The following REPS2 variants were observed in gnomAD, a reference collection of about 807,000 sequenced individuals.
REPS2 encodes ralBP1-associated Eps domain-containing protein 2.
Under a neutral mutation model 53.6 loss-of-function variants are expected in REPS2, and 23 were observed. The observed-to-expected ratio is 0.43, with a 90% confidence interval of 0.31 to 0.61. The LOEUF (loss-of-function observed/expected upper bound fraction) is 0.61, where lower values mean the gene tolerates loss of function less well. Among genes scored for constraint, REPS2 ranks in the 20% least tolerant of loss-of-function variants. The pLI, the probability that REPS2 is intolerant of heterozygous loss-of-function variation, is 0.11. For synonymous variants in REPS2, 238 were observed against 218.6 expected (o/e 1.09, Z -0.78); for missense variants, 446 against 534.9 (o/e 0.83, Z 1.64).
chrX:17,176,981 C>T, the REPS2 span, among the ~76,000 whole-genome samples: 20 of 112,371 alleles, frequency 1.8e-4, no homozygotes, highest in Non-Finnish European at 3.8e-4. Context: ...TCTTCCTTAG[C>T]TCTGCTGGCT....
In REPS2 at chrX:16,964,486, C is replaced by A. The variant is rs997614675; in HGVS notation, c.273+17352C>A. On this transcript the variant is annotated intron_variant, in intron 1 of 17. Transcript: ENST00000357277. ...CTCAATCTTTTCCCCACCTTTCCCC[C>A]CTTTCTATTCTACAAAACCGCCATT... 3.7e-5 allele frequency among the ~76,000 whole-genome samples: 4 copies of A among 109,319 alleles called. No homozygotes were observed. In the South Asian group the frequency reaches 1.2e-3, roughly 33 times the overall value. 94.9% of individuals were successfully genotyped at this position (109,319 alleles called of 115,157 possible).
intron 1 of REPS2, among the ~76,000 whole-genome samples, chrX:17,006,020 T>G (rs993349757): frequency 1.8e-5 from 2 of 112,028 alleles, no homozygotes. Flanking sequence ...ACATCATGAA[T>G]AGGTAGAATT....
intron 13 of REPS2, among the ~76,000 whole-genome samples, chrX:17,091,317 C>T (rs1193086950): frequency 8.9e-6 from 1 of 111,785 alleles, no homozygotes; most frequent in Non-Finnish European, 1.9e-5. Flanking sequence ...AGCCTTCTGT[C>T]ATGTTTATTC....
At chrX:16,957,554 G>A (rs1355576078) in intron 1 of REPS2, among the ~76,000 whole-genome samples, 1 of 111,683 alleles carries the variant, frequency 9.0e-6, no homozygotes, top group Non-Finnish European at 1.9e-5. Context: ...AACAGATGAT[G>A]ATATACCAAC....
downstream of REPS2, among the ~76,000 whole-genome samples, chrX:17,157,844 G>A (rs113871583): frequency 1.0e-3 from 112 of 111,971 alleles, no homozygotes; most frequent in African/African-American, 3.4e-3. Flanking sequence ...ATATCACCAG[G>A]GTTCAGGTGG....
At chrX:17,031,945 T>G (rs2061713974) in intron 5 of REPS2, among the ~76,000 whole-genome samples, 1 of 112,260 alleles carries the variant, frequency 8.9e-6, no homozygotes, top group Non-Finnish European at 1.9e-5. Context: ...CTTATTTAAT[T>G]TGCCCAAGTT....
At chrX:17,110,203 A>G (rs2062940667) in intron 14 of REPS2, among the ~76,000 whole-genome samples, 1 of 111,212 alleles carries the variant, frequency 9.0e-6, no homozygotes, top group Non-Finnish European at 1.9e-5. Flanking sequence ...ATACATACTG[A>G]ATCTATTTTT....
intron 17 of REPS2, among the ~76,000 whole-genome samples, chrX:17,145,585 AG>A (rs2063501753): frequency 1.8e-5 from 2 of 111,207 alleles, no homozygotes; most frequent in South Asian, 7.7e-4. Flanking sequence ...TTTATCAGCA[AG>A]TCCTACCAGT....
At chrX:17,031,684 G>A (rs1212897604) in intron 5 of REPS2, among the ~76,000 whole-genome samples, 1 of 111,420 alleles carries the variant, frequency 9.0e-6, no homozygotes, top group African/African-American at 3.3e-5. Flanking sequence ...TGAGGGGCAG[G>A]GGCTGATCAA....
chrX:17,047,470 T>G lies in REPS2; in HGVS notation c.895T>G (p.Ser299Ala). Reference protein sequence around the residue: ...QFRSLQPDPSSFISGSVAKNF... With the variant: ...QFRSLQPDPSAFISGSVAKNF... ...CCGATCCCTTCAGCCAGACCCAAGC[T>G]CTTTCATTTCAGGTAAGAATGTGGG... The change falls in exon 6 of 18, where the codon TCT (serine) becomes GCT (alanine). Residue 299 changes from serine (S) to alanine (A), a missense_variant. Physicochemically the swap from Ser to Ala is moderately conservative, Grantham distance 99 (BLOSUM62 1). Transcript: ENST00000357277. The G allele has an allele frequency of 8.3e-7, 1 of 1,209,186 alleles. No individual in the cohort carries two copies. The highest frequency in any genetic ancestry group is 1.1e-6 in the Non-Finnish European group (1 of 894,694).
At chrX:17,107,977 A>G (rs779344824) in intron 14 of REPS2, among the ~76,000 whole-genome samples, 3 of 111,018 alleles carry the variant, frequency 2.7e-5, no homozygotes, top group Non-Finnish European at 5.7e-5. Flanking sequence ...GTGCAGTGGC[A>G]TGTTCAGGGC....
chrX:17,162,104 G>A, the REPS2 span, among the ~76,000 whole-genome samples: 1 of 112,109 alleles, frequency 8.9e-6, no homozygotes, highest in Non-Finnish European at 1.9e-5. Context: ...CAGCAACCTG[G>A]TAGCCACTGG....
chrX:16,977,555 T>C (rs114327862), intron 1 of REPS2, among the ~76,000 whole-genome samples: 1 of 108,652 alleles, frequency 9.2e-6, no homozygotes, highest in East Asian at 2.9e-4. Context: ...CTCTAAAAAA[T>C]TTTTAAAAAA....
At position 17,064,547 on chromosome X, in the gene REPS2, A is replaced by G. The variant is rs185985492; in HGVS notation, c.1209+2015A>G. ...AGCCATGTACTTATTTCCATTAAGA[A>G]TTACAGATGATAATTTCAAGTATAT... On this transcript the variant is annotated intron_variant, in intron 9 of 17. Coordinates refer to ENST00000357277, the MANE Select transcript of REPS2 (RefSeq NM_004726.3). Among the ~76,000 whole-genome samples the G allele has an allele frequency of 5.8e-4, 65 of 112,584 alleles. 1 individual carries two copies. Among genetic ancestry groups the G allele is most frequent in the African/African-American group, 2.0e-3 (61 of 31,054 alleles).
intron 13 of REPS2, among the ~76,000 whole-genome samples, chrX:17,093,202 T>TATATATATATAA (rs56940345): frequency 0.015 from 193 of 13,100 alleles, 2 homozygotes; most frequent in African/African-American, 0.015. Flanking sequence ...ATATATATAA[T>TATATATATATAA]TTTTTTTTTG....
At chrX:17,123,710 C>T (rs374834084) in intron 14 of REPS2, among the ~76,000 whole-genome samples, 34 of 112,374 alleles carry the variant, frequency 3.0e-4, no homozygotes, top group African/African-American at 8.7e-4. Flanking sequence ...AAAGTCTGAC[C>T]GGGCTTTTAT....
chrX:17,190,441 G>T, the REPS2 span, among the ~76,000 whole-genome samples: 2 of 112,012 alleles, frequency 1.8e-5, no homozygotes, highest in Non-Finnish European at 3.8e-5. Flanking sequence ...TATGCTAAAG[G>T]CTACAACACA....
chrX:16,991,762 G>A (rs890148303), intron 1 of REPS2, among the ~76,000 whole-genome samples: 9 of 110,695 alleles, frequency 8.1e-5, no homozygotes, highest in African/African-American at 3.0e-4. Context: ...TAAAAAAGAA[G>A]GCAGTCAGGT....
At position 17,099,900 on chromosome X, in the gene REPS2, G is replaced by A. The variant is rs1183741022; in HGVS notation, c.1517-3818G>A. On this transcript the variant is annotated intron_variant, in intron 13 of 17. Coordinates refer to ENST00000357277, the MANE Select transcript of REPS2 (RefSeq NM_004726.3). ...GGCAGGGACGAGGTCAGCCTCATCA[G>A]AATTTTTCCCTTTCATCAGGAACAT... is the stretch of plus-strand genomic sequence containing the variant. 2.6e-4 allele frequency: 248 copies of A among 955,873 alleles called. 2 individuals are homozygous for A. Among genetic ancestry groups the A allele is most frequent in the Middle Eastern group, 2.1e-3 (6 of 2,804 alleles). The allele number at this position is 955,873 out of a possible 1,213,427, so 78.8% of individuals were successfully genotyped here. A position where few individuals can be genotyped will look rare whatever the true frequency, so the allele number is the denominator to read the frequency against.
Sources: gnomAD v4.1 joint callset for allele counts (sites outside exome capture counted in the v4.1 genomes callset) on GRCh38, gnomAD v4.1.1 for gene constraint, MANE v1.5 for transcripts, NCBI Gene and HGNC (gene_info 2026-07-23, HGNC 2026-07-21) for gene names.